The following PEDS1 variants were observed in gnomAD, a reference collection of about 807,000 sequenced individuals.
PEDS1 encodes CarF homolog.
A neutral mutation model predicts 35.2 loss-of-function variants in PEDS1; 14 were observed. The ratio of observed to expected loss-of-function variants is 0.40; its 90% CI spans 0.26 to 0.62. PEDS1 has a LOEUF of 0.62. Ranked by LOEUF, PEDS1 falls within the 20% of genes least tolerant of loss-of-function variation. The pLI is 0.44. For synonymous variants in PEDS1, 152 were observed against 152.0 expected (o/e 1.00, Z 0.00); for missense variants, 260 against 367.8 (o/e 0.71, Z 2.40).
intron 2 of PEDS1, among the ~76,000 whole-genome samples, chr20:50,138,883 G>A (rs2081263049): frequency 6.6e-6 from 1 of 152,216 alleles, no homozygotes; most frequent in East Asian, 1.9e-4. Context: ...AGGCTACCCT[G>A]ACTCACGGGG....
At position 50,130,983 on chromosome 20, in the gene PEDS1, C is replaced by T. The variant is rs754940524; in HGVS notation, c.242-36G>A. 8.1e-6 allele frequency: 13 copies of T among 1,614,170 alleles called. No homozygotes were observed. The South Asian group carries it at 1.1e-4, about 14-fold the overall frequency. On this transcript the variant is annotated intron_variant, in intron 2 of 5. Coordinates refer to ENST00000371652, the MANE Select transcript of PEDS1 (RefSeq NM_199129.4). The stretch of plus-strand genomic sequence containing the variant: ...GAGGGTGAGTGAAGGGACATCCCTG[C>T]ACCCCCCCAATCAGAATCACTCATT...
In PEDS1 at chr20:50,130,837, G is replaced by A. The variant is rs1384904877; in HGVS notation, c.333+19C>T. On this transcript the variant is annotated intron_variant, in intron 3 of 5. Coordinates refer to ENST00000371652, the MANE Select transcript of PEDS1 (RefSeq NM_199129.4). ...GCCCAACCTCCTTCTTGAGGACATG[G>A]TTAGGTCAACATACTCACCTTCCCC... 1 of 1,613,638 alleles carries A rather than the reference G, an allele frequency of 6.2e-7. No individual in the cohort carries two copies. Among genetic ancestry groups the A allele is most frequent in the East Asian group, 2.2e-5 (1 of 44,892 alleles).
Position 50,129,917 on chromosome 20 carries a change from G to T in PEDS1, c.334-227C>A, listed in dbSNP as rs1188103322. The stretch of plus-strand genomic sequence containing the variant: ...CCTGGAAGGGCTTTGGGTTGGCACT[G>T]TCTGCCTCTGGGCCTCAGTCTCCCT... On this transcript the variant is annotated intron_variant, in intron 3 of 5. Coordinates refer to ENST00000371652, the MANE Select transcript of PEDS1 (RefSeq NM_199129.4). The surrounding 1 kb of genome is among the most constrained non-coding windows in gnomAD (Gnocchi z 4.2). Among the ~76,000 whole-genome samples, 2 of 152,212 alleles carry T rather than the reference G, an allele frequency of 1.3e-5. No homozygotes were observed. Among genetic ancestry groups the T allele is most frequent in the Non-Finnish European group, 2.9e-5 (2 of 68,044 alleles).
In PEDS1 at chr20:50,119,088, A is replaced by C. The variant is rs1172891862; in HGVS notation, c.*5970T>G. ...GTGTGAGGAAACAGGGACTCTGAAA[A>C]CTTGTGAACTTAAACCGGCATGGCC... On this transcript the variant is annotated 3_prime_UTR_variant, in exon 6 of 6. Coordinates refer to ENST00000371652, the MANE Select transcript of PEDS1 (RefSeq NM_199129.4). 1.3e-5 allele frequency: 2 copies of C among 152,158 alleles called. No individual in the cohort carries two copies. Among genetic ancestry groups the C allele is most frequent in the Non-Finnish European group, 2.9e-5 (2 of 68,032 alleles). 9.4% of individuals were successfully genotyped at this position (152,158 alleles called of 1,614,324 possible).
rs528762493 is a variant in PEDS1, at chr20:50,125,198, C to T, written c.692-19G>A. On this transcript the variant is annotated intron_variant, in intron 5 of 5. Coordinates refer to ENST00000371652, the MANE Select transcript of PEDS1 (RefSeq NM_199129.4). ...AGCCAGCCTGCAGTAGAAATGGCAG[C>T]GGGAGTTTGAATGGGAGAGAGTAGT... is the stretch of plus-strand genomic sequence containing the variant. 7.1e-5 allele frequency: 115 copies of T among 1,612,400 alleles called. No homozygotes were observed. Among genetic ancestry groups the T allele is most frequent in the Non-Finnish European group, 8.9e-5 (105 of 1,179,022 alleles).
chr20:50,124,606 G>A lies in PEDS1; in HGVS notation c.*452C>T. On this transcript the variant is annotated 3_prime_UTR_variant, in exon 6 of 6. Coordinates refer to ENST00000371652, the MANE Select transcript of PEDS1 (RefSeq NM_199129.4). The stretch of plus-strand genomic sequence containing the variant: ...GGCTGTCCACCTGCCCAGCCTCCCG[G>A]GGTCAGTATGCAGGGCTGTGGCAGA... 6.3e-6 allele frequency: 1 copy of A among 158,320 alleles called. No individual in the cohort carries two copies. The highest frequency in any genetic ancestry group is 1.8e-4 in the South Asian group (1 of 5,454). 9.8% of individuals were successfully genotyped at this position (158,320 alleles called of 1,614,324 possible). A position where few individuals can be genotyped will look rare whatever the true frequency, so the allele number is the denominator to read the frequency against.
intron 2 of PEDS1, among the ~76,000 whole-genome samples, chr20:50,132,741 A>G (rs534190227): frequency 6.6e-6 from 1 of 152,286 alleles, no homozygotes; most frequent in East Asian, 1.9e-4. Context: ...GCACCTATTC[A>G]GAACTCAGTA....
rs748690528 is a variant in PEDS1, at chr20:50,153,675, G to T, written c.-38C>A. ...GATCGGCCCGGTGCGCTCTGCTGGC[G>T]GCGGCGGCGGCAGGGCCGCGGAACC... is the stretch of plus-strand genomic sequence containing the variant. On this transcript the variant is annotated 5_prime_UTR_variant, in exon 1 of 6. Coordinates refer to ENST00000371652, the MANE Select transcript of PEDS1 (RefSeq NM_199129.4). 1.7e-5 allele frequency: 21 copies of T among 1,209,886 alleles called. No homozygotes were observed. Among genetic ancestry groups the T allele is most frequent in the Non-Finnish European group, 1.4e-5 (14 of 974,132 alleles). 74.9% of individuals were successfully genotyped at this position (1,209,886 alleles called of 1,614,324 possible). A position where few individuals can be genotyped will look rare whatever the true frequency, so the allele number is the denominator to read the frequency against.
intron 5 of PEDS1, among the ~76,000 whole-genome samples, chr20:50,125,972 G>A (rs61656463): frequency 0.22 from 33,997 of 151,670 alleles, 3,925 homozygotes; most frequent in Admixed American, 0.31. Context: ...CAATCCTCTC[G>A]CCTTGGCTTC....
At chr20:50,127,060 G>A (rs1273220330) in intron 5 of PEDS1, among the ~76,000 whole-genome samples, 1 of 152,092 alleles carries the variant, frequency 6.6e-6, no homozygotes, top group African/African-American at 2.4e-5. Flanking sequence ...GCAAGCAAAG[G>A]CCAGCCTCAG....
intron 5 of PEDS1, among the ~76,000 whole-genome samples, chr20:50,126,320 C>T (rs974688965): frequency 1.3e-5 from 2 of 152,172 alleles, no homozygotes; most frequent in African/African-American, 4.8e-5. Context: ...AGAAGAGTTT[C>T]CCAATTAGCA....
chr20:50,137,048 G>T (rs905992352), intron 2 of PEDS1, among the ~76,000 whole-genome samples: 1 of 151,986 alleles, frequency 6.6e-6, no homozygotes, highest in Non-Finnish European at 1.5e-5. Flanking sequence ...AAGGCGGGGT[G>T]GGGGGAGCAG....
At chr20:50,131,492 T>C (rs1160599220) in intron 2 of PEDS1, among the ~76,000 whole-genome samples, 1 of 151,690 alleles carries the variant, frequency 6.6e-6, no homozygotes. Flanking sequence ...TGTGGTGGCA[T>C]GCGCCTGTAG....
At position 50,127,963 on chromosome 20, in the gene PEDS1, T is replaced by C; in HGVS notation, c.691+12A>G. On this transcript the variant is annotated intron_variant, in intron 5 of 5. Coordinates refer to ENST00000371652, the MANE Select transcript of PEDS1 (RefSeq NM_199129.4). ...GTGGGGAAAGCCCATTCCACGCCAC[T>C]GGTGGCCGCACCTGTGGTGATGCAG... 1.2e-6 allele frequency: 2 copies of C among 1,612,288 alleles called. No homozygotes were observed. The highest frequency in any genetic ancestry group is 1.7e-6 in the Non-Finnish European group (2 of 1,179,332).
At chr20:50,136,581 A>C (rs1222974527) in intron 2 of PEDS1, among the ~76,000 whole-genome samples, 2 of 151,976 alleles carry the variant, frequency 1.3e-5, no homozygotes, top group Non-Finnish European at 2.9e-5. Flanking sequence ...AAATTAGCCG[A>C]CCATGGTGGT....
In PEDS1 at chr20:50,130,882, AG is replaced by A; in HGVS notation, c.306del (p.Ser103LeufsTer40). Reference protein sequence around the residue: ...GLVHWGADTWGSVELPIVGKA... With the variant: ...GLVHWGADTWXSVELPIVGKA... ...TTCCCCACAATGGGCAGCTCCACAG[AG>A]CCCCATGTGTCAGCACCCCAGTGTA... On this transcript the variant is annotated frameshift_variant, in exon 3 of 6. Coordinates refer to ENST00000371652, the MANE Select transcript of PEDS1 (RefSeq NM_199129.4). LOFTEE classifies it high-confidence loss of function. 1 of 1,614,184 alleles carries A rather than the reference AG, an allele frequency of 6.2e-7. No individual in the cohort carries two copies. The highest frequency in any genetic ancestry group is 8.5e-7 in the Non-Finnish European group (1 of 1,180,032).
At chr20:50,140,275 G>T (rs1029881201) in intron 2 of PEDS1, among the ~76,000 whole-genome samples, 6 of 152,180 alleles carry the variant, frequency 3.9e-5, no homozygotes, top group African/African-American at 1.4e-4. Flanking sequence ...CCATCTTCAC[G>T]TGGCTGGACC....
intron 1 of PEDS1, among the ~76,000 whole-genome samples, chr20:50,146,331 T>C (rs1272183416): frequency 6.6e-6 from 1 of 152,172 alleles, no homozygotes; most frequent in Non-Finnish European, 1.5e-5. Context: ...CCATTGCTCA[T>C]GCCTGTGGCC....
At chr20:50,127,746 A>G (rs183007138) in intron 5 of PEDS1, among the ~76,000 whole-genome samples, 1 of 152,322 alleles carries the variant, frequency 6.6e-6, no homozygotes, top group East Asian at 1.9e-4. Context: ...TGGAATCACA[A>G]CGCCATGAAG....
Sources: gnomAD v4.1 joint callset for allele counts (sites outside exome capture counted in the v4.1 genomes callset) on GRCh38, gnomAD v4.1.1 for gene constraint, Gnocchi (gnomAD v3.1) non-coding constraint, MANE v1.5 for transcripts, NCBI Gene and HGNC (gene_info 2026-07-23, HGNC 2026-07-21) for gene names.